NKAIN3: variants seen among roughly 807,000 people sequenced by gnomAD.
The protein encoded by NKAIN3 is sodium/potassium transporting ATPase interacting 3.
In NKAIN3, 25 loss-of-function variants were observed where a neutral mutation model predicts 30.2. The ratio of observed to expected loss-of-function variants is 0.83; its 90% CI spans 0.60 to 1.16. The LOEUF (loss-of-function observed/expected upper bound fraction) is 1.16, where lower values mean the gene tolerates loss of function less well. NKAIN3 is among the 50% of genes most tolerant of loss of function. The pLI, the probability that NKAIN3 is intolerant of heterozygous loss-of-function variation, is 0.00. For synonymous variants in NKAIN3, 91 were observed against 89.6 expected (o/e 1.02, Z -0.09); for missense variants, 225 against 254.1 (o/e 0.89, Z 0.78).
rs966124164 is a variant in NKAIN3 at position 62,984,374 on chromosome 8, T to G, written c.*18967T>G. ...TACATGTTTTTAATCTTTAACATTT[T>G]TACCAGCAGAAATCATTTTTTTTTT... On this transcript the variant is annotated 3_prime_UTR_variant, in exon 7 of 7. Coordinates refer to ENST00000623646, the MANE Select transcript of NKAIN3 (RefSeq NM_001304533.3). 1.3e-5 allele frequency: 2 copies of G among 152,206 alleles called. No homozygotes were observed. The highest frequency in any genetic ancestry group is 2.9e-5 in the Non-Finnish European group (2 of 68,032). The allele number at this position is 152,206 out of a possible 1,614,324, so 9.4% of individuals were successfully genotyped here.
chr8:62,307,365 C>T (rs1563927488), intron 1 of NKAIN3, among the ~76,000 whole-genome samples: 1 of 149,430 alleles, frequency 6.7e-6, no homozygotes, highest in Non-Finnish European at 1.5e-5. Flanking sequence ...CTCTCTCCCT[C>T]CTCTCTCTCT....
At chr8:62,852,377 C>T (rs1247845881) in intron 4 of NKAIN3, among the ~76,000 whole-genome samples, 1 of 152,026 alleles carries the variant, frequency 6.6e-6, no homozygotes, top group Non-Finnish European at 1.5e-5. Flanking sequence ...AGCGGGCTAT[C>T]AATTTTGTTG....
At chr8:62,872,973 A>T (rs1820691170) in intron 4 of NKAIN3, among the ~76,000 whole-genome samples, 1 of 152,198 alleles carries the variant, frequency 6.6e-6, no homozygotes, top group African/African-American at 2.4e-5. Flanking sequence ...CAAAATAACT[A>T]AATAGCATCA....
At chr8:62,789,447 G>C (rs59729071) in intron 4 of NKAIN3, among the ~76,000 whole-genome samples, 1 of 152,022 alleles carries the variant, frequency 6.6e-6, no homozygotes, top group South Asian at 2.1e-4. Context: ...AGACAATGGG[G>C]TTTTCTAGAT....
chr8:62,904,870 G>T (rs912729227), intron 4 of NKAIN3, among the ~76,000 whole-genome samples: 1 of 152,160 alleles, frequency 6.6e-6, no homozygotes, highest in South Asian at 2.1e-4. Flanking sequence ...CATGCGAAAT[G>T]TGCCTTATTC....
intron 1 of NKAIN3, among the ~76,000 whole-genome samples, chr8:62,371,278 ATTCT>A (rs1231741961): frequency 6.6e-6 from 1 of 151,614 alleles, no homozygotes. Context: ...TTTTTTCTTA[ATTCT>A]TTCAAGAACC....
intron 3 of NKAIN3, among the ~76,000 whole-genome samples, chr8:62,596,669 C>G (rs1810845359): frequency 1.3e-5 from 2 of 152,062 alleles, no homozygotes; most frequent in South Asian, 4.1e-4. Flanking sequence ...GGATTACTTT[C>G]AAGTATTCCG....
chr8:62,878,596 T>A (rs1820873616), intron 4 of NKAIN3, among the ~76,000 whole-genome samples: 1 of 152,062 alleles, frequency 6.6e-6, no homozygotes, highest in Non-Finnish European at 1.5e-5. Flanking sequence ...TGTGCCATGT[T>A]GGTGTGCTGC....
chr8:62,476,974 A>G (rs1806539614), intron 1 of NKAIN3, among the ~76,000 whole-genome samples: 1 of 152,124 alleles, frequency 6.6e-6, no homozygotes, highest in Non-Finnish European at 1.5e-5. Context: ...CAGGGTGGAA[A>G]GATATGCGGT....
chr8:62,515,440 T>G (rs1166647842), intron 1 of NKAIN3, among the ~76,000 whole-genome samples: 2 of 152,162 alleles, frequency 1.3e-5, no homozygotes, highest in African/African-American at 4.8e-5. Context: ...CAAACAACAC[T>G]GTGGTGAGTA....
chr8:62,393,829 G>T (rs994103114), intron 1 of NKAIN3, among the ~76,000 whole-genome samples: 1 of 152,034 alleles, frequency 6.6e-6, no homozygotes, highest in Non-Finnish European at 1.5e-5. Flanking sequence ...AAATTTATTT[G>T]TAAGAGTTTT....
At chr8:62,812,745 T>C (rs1451675725) in intron 4 of NKAIN3, among the ~76,000 whole-genome samples, 1 of 151,890 alleles carries the variant, frequency 6.6e-6, no homozygotes, top group Non-Finnish European at 1.5e-5. Context: ...ATACATTTCT[T>C]AATGAAGACT....
chr8:62,871,355 A>T (rs1820637532), intron 4 of NKAIN3, among the ~76,000 whole-genome samples: 1 of 149,688 alleles, frequency 6.7e-6, no homozygotes. Flanking sequence ...GTTGGCCGAG[A>T]TCTTGCCACT....
At chr8:62,830,738 C>G (rs1421396367) in intron 4 of NKAIN3, among the ~76,000 whole-genome samples, 1 of 152,160 alleles carries the variant, frequency 6.6e-6, no homozygotes, top group Non-Finnish European at 1.5e-5. Context: ...CCTCTATGCT[C>G]CACACCCAGG....
intron 1 of NKAIN3, among the ~76,000 whole-genome samples, chr8:62,399,227 A>C (rs183537104): frequency 1.1e-3 from 174 of 152,312 alleles, no homozygotes; most frequent in African/African-American, 4.1e-3. Context: ...TGTTCAGGGC[A>C]GGGCATGGTA....
chr8:62,629,827 A>T (rs936684702), intron 3 of NKAIN3, among the ~76,000 whole-genome samples: 2 of 152,262 alleles, frequency 1.3e-5, no homozygotes, highest in African/African-American at 4.8e-5. Flanking sequence ...AAGCATATGA[A>T]TTTATAAACC....
intron 1 of NKAIN3, among the ~76,000 whole-genome samples, chr8:62,545,899 T>A (rs368176371): frequency 2.0e-5 from 3 of 152,324 alleles, no homozygotes; most frequent in East Asian, 3.9e-4. Context: ...AAAAAGGCAG[T>A]GTAAGTCACA....
chr8:62,302,281 C>T (rs796757501), intron 1 of NKAIN3, among the ~76,000 whole-genome samples: 2 of 152,104 alleles, frequency 1.3e-5, no homozygotes, highest in African/African-American at 4.8e-5. Context: ...TTCCCTAAAC[C>T]ACATGAAGAA....
chr8:62,563,574 C>T (rs962278594), intron 1 of NKAIN3, among the ~76,000 whole-genome samples: 6 of 151,980 alleles, frequency 3.9e-5, no homozygotes, highest in Non-Finnish European at 7.4e-5. Flanking sequence ...AAATATGTAC[C>T]ACCAAAGGAA....
Sources: gnomAD v4.1 joint callset for allele counts (sites outside exome capture counted in the v4.1 genomes callset) on GRCh38, gnomAD v4.1.1 for gene constraint, MANE v1.5 for transcripts, NCBI Gene and HGNC (gene_info 2026-07-23, HGNC 2026-07-21) for gene names.